TMEM245: variants seen among roughly 807,000 people sequenced by gnomAD.
TMEM245 encodes the protein protein CG-2.
A neutral mutation model predicts 101.2 loss-of-function variants in TMEM245; 69 were observed. That is an observed-to-expected ratio of 0.68 (90% CI 0.56 to 0.83). The LOEUF is 0.83. Among genes scored for constraint, TMEM245 ranks in the 40% least tolerant of loss-of-function variants. The pLI is 0.00. For synonymous variants in TMEM245, 537 were observed against 449.8 expected, an observed-to-expected ratio of 1.19 and a Z score of -2.45; for missense variants, 1,075 against 1,092.8, an observed-to-expected ratio of 0.98 and a Z score of 0.23.
At chr9:109,090,716 C>CA (rs112374218) in intron 5 of TMEM245, among the ~76,000 whole-genome samples, 27,304 of 108,108 alleles carry the variant, frequency 0.25, 3,041 homozygotes, top group Admixed American at 0.35. Context: ...GACTCCGTCT[C>CA]AAAAAAAAAA....
intron 5 of TMEM245, among the ~76,000 whole-genome samples, chr9:109,089,541 C>T (rs1459407373): frequency 1.3e-5 from 2 of 152,076 alleles, no homozygotes; most frequent in African/African-American, 2.4e-5. Flanking sequence ...GTAGAAGGTA[C>T]TCAGAAGGCA....
intron 7 of TMEM245, 145 bp downstream of exon 7, chr9:109,085,852 G>C: frequency 1.2e-6 from 1 of 863,910 alleles, no homozygotes; most frequent in South Asian, 1.5e-5. Flanking sequence ...TAGTATTCAT[G>C]CTTCACAACC....
At chr9:109,099,799 T>C (rs573482687) in intron 3 of TMEM245, among the ~76,000 whole-genome samples, 7 of 152,288 alleles carry the variant, frequency 4.6e-5, no homozygotes, top group East Asian at 1.9e-4. Context: ...TTAAATTTAA[T>C]TGCCGTTACC....
In TMEM245 at chr9:109,016,322, C is replaced by G. The variant is rs1181838257; in HGVS notation, c.*4138G>C. The G allele has an allele frequency of 6.6e-6, 1 of 152,110 alleles. No individual in the cohort carries two copies. Among genetic ancestry groups the G allele is most frequent in the Non-Finnish European group, 1.5e-5 (1 of 68,022 alleles). The allele number at this position is 152,110 out of a possible 1,614,324, so 9.4% of individuals were successfully genotyped here. A position where few individuals can be genotyped will look rare whatever the true frequency, so the allele number is the denominator to read the frequency against. The stretch of plus-strand genomic sequence containing the variant: ...CACACACACACTTTTTTTCTTACAT[C>G]TATTAACATCTCTTGGAACTACTGC... On this transcript the variant is annotated 3_prime_UTR_variant, in exon 18 of 18. Coordinates refer to ENST00000374586, the MANE Select transcript of TMEM245 (RefSeq NM_032012.4).
At chr9:109,085,809 C>A (rs905616299) in intron 7 of TMEM245, among the ~76,000 whole-genome samples, 188 bp downstream of exon 7, 1 of 152,218 alleles carries the variant, frequency 6.6e-6, no homozygotes, top group Admixed American at 6.5e-5. Flanking sequence ...TCCTAGACAG[C>A]CTTTGCTGAG....
At chr9:109,070,857 C>G (rs545044117) in intron 9 of TMEM245, among the ~76,000 whole-genome samples, 1 of 152,182 alleles carries the variant, frequency 6.6e-6, no homozygotes, top group Admixed American at 6.5e-5. Flanking sequence ...GGCTTTTTGT[C>G]TGAATTTTTT....
rs1258502643 is a variant in TMEM245, at chr9:109,096,297, C to T, written c.800-2706G>A. Among the ~76,000 whole-genome samples the T allele has an allele frequency of 3.9e-5, 6 of 152,220 alleles. No individual in the cohort carries two copies. In the East Asian group the frequency reaches 9.7e-4, roughly 25 times the overall value. On this transcript the variant is annotated intron_variant, in intron 3 of 17. Transcript: ENST00000374586. ...TTCGAGACCAGCATCGCCAACATGCCGAAACCCCGTCTCTACTAAAAACAC... is the reference window on the plus strand; with the variant it reads ...TTCGAGACCAGCATCGCCAACATGCTGAAACCCCGTCTCTACTAAAAACAC...
At chr9:109,105,675 T>G (rs910614676) in intron 3 of TMEM245, among the ~76,000 whole-genome samples, 3 of 152,164 alleles carry the variant, frequency 2.0e-5, no homozygotes, top group Admixed American at 6.5e-5. Flanking sequence ...TAAAAAGGAA[T>G]GAAGTACTGA....
intron 4 of TMEM245, 149 bp downstream of exon 4, chr9:109,093,326 G>A: frequency 1.6e-6 from 1 of 642,672 alleles, no homozygotes; most frequent in Non-Finnish European, 2.7e-6. Context: ...AGATGAGAGG[G>A]AAAAGGGCAT....
At chr9:109,071,016 G>C (rs1829315158) in intron 9 of TMEM245, among the ~76,000 whole-genome samples, 1 of 152,010 alleles carries the variant, frequency 6.6e-6, no homozygotes, top group Non-Finnish European at 1.5e-5. Flanking sequence ...CAAGTACCTG[G>C]GATTACAGGT....
At chr9:109,076,180 C>T (rs540688488) in intron 8 of TMEM245, among the ~76,000 whole-genome samples, 1 of 152,220 alleles carries the variant, frequency 6.6e-6, no homozygotes, top group African/African-American at 2.4e-5. Flanking sequence ...GGCACATATA[C>T]ACCATGGAAT....
intron 12 of TMEM245, among the ~76,000 whole-genome samples, chr9:109,056,260 T>C (rs1257294918): frequency 6.6e-6 from 1 of 151,866 alleles, no homozygotes; most frequent in Non-Finnish European, 1.5e-5. Flanking sequence ...TCTTTTAGCG[T>C]TGCTGCCTTT....
At chr9:109,091,260 C>T in intron 4 of TMEM245, 105 bp from the exon 5 acceptor site, 2 of 973,306 alleles carry the variant, frequency 2.1e-6, no homozygotes, top group South Asian at 3.3e-5. Context: ...TCAAAATGTG[C>T]TGATATGGTA....
At chr9:109,066,533 T>C (rs1829174043) in intron 9 of TMEM245, among the ~76,000 whole-genome samples, 1 of 150,012 alleles carries the variant, frequency 6.7e-6, no homozygotes. Flanking sequence ...ATATAATAAT[T>C]TACAGTATAA....
At chr9:109,117,288 T>TG (rs1428831572) in intron 1 of TMEM245, among the ~76,000 whole-genome samples, 1 of 151,802 alleles carries the variant, frequency 6.6e-6, no homozygotes, top group African/African-American at 2.4e-5. Context: ...TTTTTTTTTT[T>TG]TGTATTTTTG....
At chr9:109,088,607 C>T (rs563705472) in intron 5 of TMEM245, among the ~76,000 whole-genome samples, 9 of 151,854 alleles carry the variant, frequency 5.9e-5, no homozygotes, top group African/African-American at 2.2e-4. Flanking sequence ...ATCACGAGAT[C>T]AGGAGATCGA....
At chr9:109,114,969 A>G (rs1273159184) in intron 1 of TMEM245, among the ~76,000 whole-genome samples, 20 of 152,232 alleles carry the variant, frequency 1.3e-4, no homozygotes, top group Admixed American at 1.3e-3. Context: ...ACTTGTAAGA[A>G]GCACGGAGTT....
At chr9:109,056,868 T>C (rs1395832283) in intron 12 of TMEM245, among the ~76,000 whole-genome samples, 1 of 152,102 alleles carries the variant, frequency 6.6e-6, no homozygotes, top group Non-Finnish European at 1.5e-5. Flanking sequence ...ACACATCCCA[T>C]CCCTCCAATG....
intron 9 of TMEM245, among the ~76,000 whole-genome samples, chr9:109,067,041 G>A (rs1364864543): frequency 2.7e-5 from 4 of 148,576 alleles, no homozygotes; most frequent in East Asian, 2.0e-4. Context: ...GGGCGGCAAG[G>A]GCAAGACTCC....
Sources: allele counts gnomAD v4.1 joint callset (sites outside exome capture counted in the v4.1 genomes callset), GRCh38; gene constraint gnomAD v4.1.1; transcripts MANE v1.5; gene names NCBI Gene and HGNC (gene_info 2026-07-23, HGNC 2026-07-21).